PTPRF: variants seen among roughly 807,000 people sequenced by gnomAD.
The protein encoded by PTPRF is receptor-type tyrosine-protein phosphatase F.
PTPRF carries 59 observed loss-of-function variants against 201.8 expected under a neutral mutation model. That is an observed-to-expected ratio of 0.29 (90% CI 0.24 to 0.36). PTPRF has a LOEUF of 0.36. Ranked by LOEUF, PTPRF falls within the 10% of genes least tolerant of loss-of-function variation. PTPRF has a pLI of 1.00. For missense variants in PTPRF, 2,132 were observed against 2,690.5 expected, an observed-to-expected ratio of 0.79 and a Z score of 4.59; for synonymous variants, 1,088 against 1,089.7, an observed-to-expected ratio of 1.00 and a Z score of 0.03.
intron 2 of PTPRF, among the ~76,000 whole-genome samples, chr1:43,540,484 G>A (rs1368213127): frequency 2.0e-5 from 3 of 152,180 alleles, no homozygotes; most frequent in Admixed American, 6.5e-5. Context: ...AGTAATCCAA[G>A]GGGGACCCCA....
At chr1:43,536,231 G>C (rs1382838463) in intron 1 of PTPRF, among the ~76,000 whole-genome samples, 1 of 152,142 alleles carries the variant, frequency 6.6e-6, no homozygotes, top group African/African-American at 2.4e-5. Flanking sequence ...TGGGTTCTGG[G>C]AGCTGCAGTT....
chr1:43,585,873 C>T (rs1215924953), intron 7 of PTPRF, among the ~76,000 whole-genome samples: 5 of 152,182 alleles, frequency 3.3e-5, no homozygotes. Context: ...CCCCATGATT[C>T]CACCACCGAC....
Position 43,592,319 on chromosome 1 carries a change from C to G in PTPRF, c.1669-138C>G, listed in dbSNP as rs1012127626. 4.4e-5 allele frequency: 48 copies of G among 1,093,370 alleles called. 1 individual carries two copies. The African/African-American group carries it at 7.4e-4, about 17-fold the overall frequency. The allele number at this position is 1,093,370 out of a possible 1,614,324, so 67.7% of individuals were successfully genotyped here. A position where few individuals can be genotyped will look rare whatever the true frequency, so the allele number is the denominator to read the frequency against. ...CTAAGCCCTGAGTTCCTTTTGTGCT[C>G]CATGTGGCCTTATGGTGTGGAGCCA... On this transcript the variant is annotated intron_variant, in intron 10 of 33. Transcript: ENST00000359947.
intron 16 of PTPRF, among the ~76,000 whole-genome samples, chr1:43,604,533 G>GT (rs994849318): frequency 6.6e-6 from 1 of 152,134 alleles, no homozygotes; most frequent in African/African-American, 2.4e-5. Context: ...CCGACCTCTA[G>GT]TGAACATGCT....
intron 31 of PTPRF, 67 bp from the exon 32 acceptor site, chr1:43,620,771 G>C: frequency 2.6e-6 from 4 of 1,568,242 alleles, no homozygotes; most frequent in Non-Finnish European, 3.5e-6. Context: ...TACTACCCTG[G>C]TCTAGTCCAG....
At chr1:43,614,350 C>T (rs1049045741) in intron 23 of PTPRF, among the ~76,000 whole-genome samples, 3 of 152,180 alleles carry the variant, frequency 2.0e-5, no homozygotes, top group Non-Finnish European at 2.9e-5. Context: ...GTCGGGGCCT[C>T]GAGACTGGCT....
In PTPRF at chr1:43,591,467, T is replaced by C; in HGVS notation, c.1445T>C (p.Ile482Thr). The change falls in exon 9 of 34, where the codon ATC becomes ACC. Residue 482 changes from isoleucine (I) to threonine (T), a missense_variant. By Grantham distance (89) the Ile-to-Thr change is moderately conservative. Transcript: ENST00000359947. Reference protein sequence around the residue: ...LTTVGSLLPGITYSLRVLAFT... With the variant: ...LTTVGSLLPGTTYSLRVLAFT... ...ACCGTGGGCAGCCTGCTGCCTGGCA[T>C]CACCTACAGCCTGCGCGTGCTTGCC... The C allele has an allele frequency of 6.3e-7, 1 of 1,597,512 alleles. No homozygotes were observed. Among genetic ancestry groups the C allele is most frequent in the South Asian group, 1.1e-5 (1 of 88,788 alleles).
intron 11 of PTPRF, among the ~76,000 whole-genome samples, chr1:43,593,939 T>C (rs1270468507): frequency 6.6e-6 from 1 of 152,042 alleles, no homozygotes; most frequent in East Asian, 2.0e-4. Context: ...TGAGCCGAGA[T>C]GGTGCCATTG....
chr1:43,605,498 G>A (rs1654869263), intron 18 of PTPRF, 31 bp from the exon 19 acceptor site: 1 of 1,613,524 alleles, frequency 6.2e-7, no homozygotes, highest in Non-Finnish European at 8.5e-7. Context: ...AACCAGCAGT[G>A]ACAGTCCTGA....
upstream of PTPRF, among the ~76,000 whole-genome samples, chr1:43,529,870 G>C (rs1168297187): frequency 6.6e-6 from 1 of 152,128 alleles, no homozygotes; most frequent in African/African-American, 2.4e-5. Context: ...ACTCAGTACT[G>C]ACATTTAAAT....
chr1:43,603,859 G>C lies in PTPRF; in HGVS notation c.2707G>C (p.Glu903Gln). ...CAAGAACCGGGCTGGCTTGGGTGAGGAGTTCGAGAAGGAGATCAGGACCCC... is the reference window on the plus strand; with the variant it reads ...CAAGAACCGGGCTGGCTTGGGTGAGCAGTTCGAGAAGGAGATCAGGACCCC... ...AAKNRAGLGE[E>Q]FEKEIRTPED... The change falls in exon 16 of 34, where the codon GAG (glutamate) becomes CAG (glutamine). Residue 903 changes from glutamate (E) to glutamine (Q), a missense_variant. Physicochemically the swap from Glu to Gln is conservative, Grantham distance 29 (BLOSUM62 2). Transcript: ENST00000359947. The surrounding 1 kb of genome is among the most constrained non-coding windows in gnomAD (Gnocchi z 5.8). 6.2e-7 allele frequency: 1 copy of C among 1,614,114 alleles called. No individual in the cohort carries two copies. Among genetic ancestry groups the C allele is most frequent in the Middle Eastern group, 1.6e-4 (1 of 6,062 alleles).
At chr1:43,613,591 T>C in intron 22 of PTPRF, 27 bp from the exon 23 acceptor site, 1 of 1,572,490 alleles carries the variant, frequency 6.4e-7, no homozygotes, top group Non-Finnish European at 8.8e-7. Context: ...ACACTAATGC[T>C]GCCTGTGTAT....
Position 43,578,647 on chromosome 1 carries a change from T to C in PTPRF, c.569-163T>C, listed in dbSNP as rs17849123. 1.3e-3 allele frequency among the ~76,000 whole-genome samples: 195 copies of C among 152,284 alleles called. 1 individual carries two copies. The highest frequency in any genetic ancestry group is 2.1e-3 in the East Asian group (11 of 5,178). On this transcript the variant is annotated intron_variant, in intron 6 of 33. Transcript: ENST00000359947. ...TTCTAGACAGGAGGCCACTGGGCTCTTCAGGGAGAGCTTCCTGGAAGCAGC... is the reference window on the plus strand; with the variant it reads ...TTCTAGACAGGAGGCCACTGGGCTCCTCAGGGAGAGCTTCCTGGAAGCAGC...
At chr1:43,575,075 T>C (rs1646833644) in intron 6 of PTPRF, among the ~76,000 whole-genome samples, 1 of 152,172 alleles carries the variant, frequency 6.6e-6, no homozygotes, top group African/African-American at 2.4e-5. Context: ...CCTGGGCCCA[T>C]CTGTGGGCTC....
chr1:43,597,207 G>A (rs750458093), intron 11 of PTPRF, among the ~76,000 whole-genome samples: 2 of 152,116 alleles, frequency 1.3e-5, no homozygotes, highest in East Asian at 3.9e-4. Context: ...GTGTGAGACC[G>A]TATGAGACAG....
intron 5 of PTPRF, among the ~76,000 whole-genome samples, chr1:43,563,952 G>A (rs528518379): frequency 3.0e-4 from 45 of 152,302 alleles, no homozygotes; most frequent in Non-Finnish European, 4.7e-4. Context: ...TGAGTAGGGC[G>A]ATGTGGGGTG....
At chr1:43,575,811 C>T (rs535206908) in intron 6 of PTPRF, 83 of 1,121,982 alleles carry the variant, frequency 7.4e-5, no homozygotes, top group Non-Finnish European at 9.2e-5. Flanking sequence ...AAGGCCCTTT[C>T]TTGTGTTTTA....
At position 43,553,483 on chromosome 1, in the gene PTPRF, C is replaced by T; in HGVS notation, c.92-9C>T. The T allele has an allele frequency of 1.2e-6, 2 of 1,613,192 alleles. No individual in the cohort carries two copies. The highest frequency in any genetic ancestry group is 1.7e-6 in the Non-Finnish European group (2 of 1,179,336). On this transcript the variant is annotated splice_polypyrimidine_tract_variant and intron_variant, in intron 3 of 33. Transcript: ENST00000359947. The surrounding 1 kb of genome is among the most constrained non-coding windows in gnomAD (Gnocchi z 4.1). The stretch of plus-strand genomic sequence containing the variant: ...TGCTGTGGTGACTTGGTGTCTCCAT[C>T]TCTTCCAGGCAAACCTGTCTTCATT...
rs149608365 is a variant in PTPRF, at chr1:43,582,160, G to A, written c.679+3240G>A. Among the ~76,000 whole-genome samples, 873 of 152,226 alleles carry A rather than the reference G, an allele frequency of 5.7e-3. 3 individuals are homozygous for A. The highest frequency in any genetic ancestry group is 9.0e-3 in the Non-Finnish European group (610 of 68,006). On this transcript the variant is annotated intron_variant, in intron 7 of 33. Transcript: ENST00000359947. Reference sequence around the variant, plus strand: ...CCAAATTCTCAGGGCTCCCAGTGTCGCTCTCTGAGGCCACGCGACTGCTAC... The same window carrying A: ...CCAAATTCTCAGGGCTCCCAGTGTCACTCTCTGAGGCCACGCGACTGCTAC...
Sources: gnomAD v4.1 joint callset for allele counts (sites outside exome capture counted in the v4.1 genomes callset) on GRCh38, gnomAD v4.1.1 for gene constraint, Gnocchi (gnomAD v3.1) non-coding constraint, MANE v1.5 for transcripts, NCBI Gene and HGNC (gene_info 2026-07-23, HGNC 2026-07-21) for gene names.